The following TP53I13 variants were observed in gnomAD, a reference collection of about 807,000 sequenced individuals.
TP53I13 encodes tumor protein p53-inducible protein 13.
In TP53I13, 27 loss-of-function variants were observed where a neutral mutation model predicts 39.1. The ratio of observed to expected loss-of-function variants is 0.69; its 90% CI spans 0.51 to 0.95. TP53I13 has a LOEUF of 0.95. Ranked by LOEUF, TP53I13 falls within the 40% of genes least tolerant of loss-of-function variation. The pLI, the probability that TP53I13 is intolerant of heterozygous loss-of-function variation, is 0.00. For missense variants in TP53I13, 544 were observed against 520.4 expected (o/e 1.05, Z -0.44); for synonymous variants, 230 against 224.6 (o/e 1.02, Z -0.22).
At position 29,572,936 on chromosome 17, in the gene TP53I13, C is replaced by A; in HGVS notation, c.*12C>A. 6 of 1,457,186 alleles carry A rather than the reference C, an allele frequency of 4.1e-6. No individual in the cohort carries two copies. The highest frequency in any genetic ancestry group is 5.4e-6 in the Non-Finnish European group (6 of 1,109,952). 90.3% of individuals were successfully genotyped at this position (1,457,186 alleles called of 1,614,324 possible). A position where few individuals can be genotyped will look rare whatever the true frequency, so the allele number is the denominator to read the frequency against. ...AGAGCTCGGAGTGACGGCCTGGGAC[C>A]TGCCACTGTGGCGTGCGGCTCCTCC... On this transcript the variant is annotated 3_prime_UTR_variant, in exon 7 of 7. Transcript: ENST00000301057.
At chr17:29,576,234 G>T (rs758288314), downstream of TP53I13, 1 of 1,608,074 alleles carries the variant, frequency 6.2e-7, no homozygotes, top group Non-Finnish European at 8.5e-7. Flanking sequence ...CTGTGGAAAG[G>T]CTGCAGCCGC....
downstream of TP53I13, chr17:29,576,748 G>T: frequency 6.3e-7 from 1 of 1,592,022 alleles, no homozygotes; most frequent in Non-Finnish European, 8.6e-7. Flanking sequence ...AGTTATTGAG[G>T]CTAGGAGCAG....
At chr17:29,577,140 G>A (rs1484417327), downstream of TP53I13, 12 of 1,613,442 alleles carry the variant, frequency 7.4e-6, no homozygotes, top group Non-Finnish European at 1.0e-5. Context: ...TCCCACCTGT[G>A]GGGCTGCTCA....
chr17:29,569,058 C>A lies in TP53I13; in HGVS notation c.113C>A (p.Pro38His), dbSNP rs771422347. The change falls in exon 2 of 7, where the codon CCC becomes CAC. Residue 38 changes from proline (P) to histidine (H), a missense_variant. Pro to His is a moderately conservative substitution (Grantham distance 77). Transcript: ENST00000301057. ...GCGGAGGAGGCGGGAGCCCATTGTC[C>A]CGAGAGCCTGTGGCCTCTGCCTCCG... ...GPAEEAGAHC[P>H]ESLWPLPPQV... is the part of the protein sequence containing the mutation. 1 of 1,604,676 alleles carries A rather than the reference C, an allele frequency of 6.2e-7. No individual in the cohort carries two copies. The highest frequency in any genetic ancestry group is 1.1e-5 in the South Asian group (1 of 89,710).
At chr17:29,577,064 C>T, downstream of TP53I13, 2 of 1,606,728 alleles carry the variant, frequency 1.2e-6, no homozygotes, top group South Asian at 1.1e-5. Flanking sequence ...TCACCACTGG[C>T]AGGGAGAGCC....
chr17:29,568,650 C>T, upstream of TP53I13: 1 of 557,848 alleles, frequency 1.8e-6, no homozygotes, highest in Non-Finnish European at 2.1e-6. The surrounding 1 kb of genome is among the most constrained non-coding windows in gnomAD (Gnocchi z 4.5). Flanking sequence ...CCAACGGACG[C>T]GCGGGCGGCG....
chr17:29,579,370 A>ACCACCGAGATC, the TP53I13 span: 3 of 289,994 alleles, frequency 1.0e-5, no homozygotes, highest in South Asian at 9.7e-5. Context: ...GATTTTTTGG[A>ACCACCGAGATC]TACACCTGGC....
rs1466930619 is a variant in TP53I13, at chr17:29,569,073, C to T, written c.128C>T (p.Pro43Leu). The change falls in exon 2 of 7, where the codon CCT (proline) becomes CTT (leucine). Residue 43 changes from proline (P) to leucine (L), a missense_variant. Physicochemically the swap from Pro to Leu is moderately conservative, Grantham distance 98 (BLOSUM62 -3). Coordinates refer to ENST00000301057, the MANE Select transcript of TP53I13 (RefSeq NM_138349.4). ...GCCCATTGTCCCGAGAGCCTGTGGC[C>T]TCTGCCTCCGCAGGTAGGAGCCCTG... is the stretch of plus-strand genomic sequence containing the variant. ...AGAHCPESLW[P>L]LPPQVSPRVT... is the part of the protein sequence containing the mutation. 2 of 1,598,790 alleles carry T rather than the reference C, an allele frequency of 1.3e-6. No individual in the cohort carries two copies. The highest frequency in any genetic ancestry group is 1.1e-5 in the South Asian group (1 of 88,840).
chr17:29,578,272 G>C, the TP53I13 span: 1 of 1,592,302 alleles, frequency 6.3e-7, no homozygotes, highest in Non-Finnish European at 8.6e-7. Flanking sequence ...GGTCCTCCAC[G>C]CCAGACACTC....
chr17:29,567,701 G>A (rs1454643585), upstream of TP53I13, among the ~76,000 whole-genome samples: 1 of 152,116 alleles, frequency 6.6e-6, no homozygotes, highest in Non-Finnish European at 1.5e-5. The surrounding 1 kb of genome is among the most constrained non-coding windows in gnomAD (Gnocchi z 6.6). Flanking sequence ...GCCCGGGAGT[G>A]GCTTCCCCAG....
At chr17:29,573,423 T>C (rs116833943), downstream of TP53I13, 2,404 of 154,066 alleles carry the variant, frequency 0.016, 77 homozygotes, top group African/African-American at 0.054. Flanking sequence ...GCAGTCACCC[T>C]TCATGTCTGC....
At chr17:29,570,472 C>T (rs28497167) in intron 3 of TP53I13, 52,508 of 150,250 alleles carry the variant, frequency 0.35, 10,829 homozygotes, top group East Asian at 0.64. Flanking sequence ...CATGCCACTG[C>T]ACTCCAGCCT....
At chr17:29,577,760 G>C (rs763952949), downstream of TP53I13, 10 of 1,520,842 alleles carry the variant, frequency 6.6e-6, no homozygotes. Flanking sequence ...GGACGGACAG[G>C]AGCAGATCAG....
upstream of TP53I13, chr17:29,566,417 G>A (rs942606917): frequency 3.7e-6 from 6 of 1,612,000 alleles, no homozygotes; most frequent in African/African-American, 2.7e-5. Flanking sequence ...TAGTAGCCGC[G>A]CTCCAGGGCG....
chr17:29,581,015 G>C, the TP53I13 span: 5 of 344,926 alleles, frequency 1.4e-5, no homozygotes, highest in East Asian at 2.8e-4. This position sits in a 1 kb window ranked among gnomAD's most constrained non-coding sequence, Gnocchi z 4.8. Flanking sequence ...CCGACCTCAG[G>C]TGATCCGCCC....
downstream of TP53I13, chr17:29,573,630 CA>C (rs2033068475): frequency 6.6e-6 from 1 of 152,600 alleles, no homozygotes; most frequent in Non-Finnish European, 1.5e-5. Flanking sequence ...TCCCAGGCTG[CA>C]GCCAGGTTCC....
At chr17:29,575,860 A>T, downstream of TP53I13, 1 of 1,611,806 alleles carries the variant, frequency 6.2e-7, no homozygotes, top group Non-Finnish European at 8.5e-7. The surrounding 1 kb of genome is among the most constrained non-coding windows in gnomAD (Gnocchi z 5.5). Context: ...GGGAGGAGGG[A>T]GTGAAGGGCA....
chr17:29,572,161 C>T lies in TP53I13; in HGVS notation c.533C>T (p.Ala178Val). Reference protein sequence around the residue: ...GCVQALALAFALRSWRPPGTE... With the variant: ...GCVQALALAFVLRSWRPPGTE... ...CCTTAGGCCCTGGCTCTGGCCTTTGCTCTGCGGAGCTGGCGGCCCCCTGGC... is the reference window on the plus strand; with the variant it reads ...CCTTAGGCCCTGGCTCTGGCCTTTGTTCTGCGGAGCTGGCGGCCCCCTGGC... The change falls in exon 6 of 7, where the codon GCT (alanine) becomes GTT (valine). Residue 178 changes from alanine to valine, a missense_variant. Ala to Val is a moderately conservative substitution (Grantham distance 64, BLOSUM62 0). Coordinates refer to ENST00000301057, the MANE Select transcript of TP53I13 (RefSeq NM_138349.4). 6.2e-7 allele frequency: 1 copy of T among 1,607,968 alleles called. No individual in the cohort carries two copies. The highest frequency in any genetic ancestry group is 8.5e-7 in the Non-Finnish European group (1 of 1,176,668).
At position 29,572,345 on chromosome 17, in the gene TP53I13, C is replaced by T; in HGVS notation, c.717C>T (p.Ile239=). The stretch of plus-strand genomic sequence containing the variant: ...AGGCCAAGCAGTCCATGGCGGGAAT[C>T]CCTGGTAGGGAGAGTAATGCCCCAT... ...SLKAKQSMAG[I]PGRESNAPSV... The change falls in exon 6 of 7, where the codon ATC becomes ATT. Residue 239 remains isoleucine, a synonymous_variant. Transcript: ENST00000301057. 2 of 1,611,240 alleles carry T rather than the reference C, an allele frequency of 1.2e-6. No homozygotes were observed.
Sources: allele counts gnomAD v4.1 joint callset (sites outside exome capture counted in the v4.1 genomes callset), GRCh38; gene constraint gnomAD v4.1.1; non-coding constraint Gnocchi (gnomAD v3.1); transcripts MANE v1.5; gene names NCBI Gene and HGNC (gene_info 2026-07-23, HGNC 2026-07-21).